The following CSNK2A1 variants were observed in gnomAD, a reference collection of about 807,000 sequenced individuals.
CSNK2A1 encodes the protein casein kinase 2 alpha 1, also known as casein kinase II subunit alpha.
CSNK2A1 carries 10 observed loss-of-function variants against 62.9 expected under a neutral mutation model. The observed-to-expected ratio is 0.16, with a 90% CI of 0.10 to 0.27. CSNK2A1 has a LOEUF of 0.27. Ranked by LOEUF, CSNK2A1 falls within the 10% of genes least tolerant of loss-of-function variation. CSNK2A1 has a pLI of 1.00. For missense variants in CSNK2A1, 160 were observed against 492.0 expected, an observed-to-expected ratio of 0.33 and a Z score of 6.38; for synonymous variants, 124 against 167.8, an observed-to-expected ratio of 0.74 and a Z score of 2.02.
At position 508,629 on chromosome 20, in the gene CSNK2A1, T is replaced by C; in HGVS notation, c.-78A>G. 1.4e-6 allele frequency: 2 copies of C among 1,447,696 alleles called. No homozygotes were observed. The allele number at this position is 1,447,696 out of a possible 1,614,324, so 89.7% of individuals were successfully genotyped here. On this transcript the variant is annotated 5_prime_UTR_variant, in exon 3 of 14. Coordinates refer to ENST00000217244, the MANE Select transcript of CSNK2A1 (RefSeq NM_177559.3). ...CACTGTGTTCAGAAGCAGCTGGGGG[T>C]AAGACCTTGTTTCAGACCTGTTTTC... is the stretch of plus-strand genomic sequence containing the variant.
chr20:503,569 T>G (rs2018512934), intron 4 of CSNK2A1: 1 of 398,606 alleles, frequency 2.5e-6, no homozygotes, highest in Non-Finnish European at 4.4e-6. Context: ...ACTGCCAGCT[T>G]GAGGTGGTTC....
intron 2 of CSNK2A1, among the ~76,000 whole-genome samples, chr20:518,522 A>G (rs2018873024): frequency 6.6e-6 from 1 of 152,080 alleles, no homozygotes; most frequent in Admixed American, 6.6e-5. Context: ...TCAAATGATC[A>G]CTACAAATAT....
intron 1 of CSNK2A1, among the ~76,000 whole-genome samples, chr20:540,163 TG>T (rs1288173796): frequency 1.3e-5 from 2 of 152,202 alleles, no homozygotes; most frequent in Non-Finnish European, 2.9e-5. Context: ...CAGTAGAATT[TG>T]GGGGGTCCAA....
chr20:515,137 C>T (rs957959309), intron 2 of CSNK2A1, among the ~76,000 whole-genome samples: 6 of 152,090 alleles, frequency 3.9e-5, no homozygotes, highest in Non-Finnish European at 8.8e-5. Flanking sequence ...CAGTAGCACA[C>T]GTGAGAGAAA....
rs1319569782 is a variant in CSNK2A1, at chr20:483,919, C to T, written c.*42G>A. 15 of 1,575,086 alleles carry T rather than the reference C, an allele frequency of 9.5e-6. No homozygotes were observed. The highest frequency in any genetic ancestry group is 1.3e-5 in the Non-Finnish European group (15 of 1,161,978). On this transcript the variant is annotated 3_prime_UTR_variant, in exon 14 of 14. Transcript: ENST00000217244. ...CAAGCTGCATCAAGGAGAGGGTGGACTCCCCCACCTCTGCTCAGGCATCAG... is the reference window on the plus strand; with the variant it reads ...CAAGCTGCATCAAGGAGAGGGTGGATTCCCCCACCTCTGCTCAGGCATCAG...
intron 1 of CSNK2A1, among the ~76,000 whole-genome samples, chr20:538,642 A>C (rs2122130577): frequency 6.6e-6 from 1 of 152,300 alleles, no homozygotes; most frequent in South Asian, 2.1e-4. Flanking sequence ...TAAACTCAAC[A>C]ACCTCAACAG....
In CSNK2A1 at chr20:476,172, TCTCCCTCGCC is replaced by T. The variant is rs1409844367; in HGVS notation, c.*7779_*7788del. 1 of 152,364 alleles carries T rather than the reference TCTCCCTCGCC, an allele frequency of 6.6e-6. No homozygotes were observed. Among genetic ancestry groups the T allele is most frequent in the Non-Finnish European group, 1.5e-5 (1 of 68,164 alleles). The allele number at this position is 152,364 out of a possible 1,614,324, so 9.4% of individuals were successfully genotyped here. On this transcript the variant is annotated 3_prime_UTR_variant, in exon 14 of 14. Coordinates refer to ENST00000217244, the MANE Select transcript of CSNK2A1 (RefSeq NM_177559.3). ...CAGCTGAAACTTGTTAGGCTGGGCC[TCTCCCTCGCC>T]AGTTCAGGCAGCCCCTCCTCTGAGG...
intron 1 of CSNK2A1, among the ~76,000 whole-genome samples, chr20:532,460 A>G (rs1259012182): frequency 1.3e-5 from 2 of 151,358 alleles, no homozygotes. Context: ...TACAGGTGTG[A>G]GCCACTGCTC....
chr20:519,752 C>A (rs1026337340), intron 2 of CSNK2A1, among the ~76,000 whole-genome samples: 3 of 152,056 alleles, frequency 2.0e-5, no homozygotes, highest in Admixed American at 1.3e-4. Context: ...AAAATAATCC[C>A]ATTTTGGAAG....
intron 1 of CSNK2A1, among the ~76,000 whole-genome samples, chr20:537,719 T>A (rs1415729102): frequency 6.6e-6 from 1 of 152,170 alleles, no homozygotes; most frequent in Non-Finnish European, 1.5e-5. Flanking sequence ...GAAATTCAGG[T>A]ATAAGAACAC....
rs1397880201 is a variant in CSNK2A1 at position 477,805 on chromosome 20, A to T, written c.*6156T>A. ...TCGGGAGTTCGAGACCAGCCTGACCAACATGGAGAAACCCCGTCTCTACTA... is the reference window on the plus strand; with the variant it reads ...TCGGGAGTTCGAGACCAGCCTGACCTACATGGAGAAACCCCGTCTCTACTA... On this transcript the variant is annotated 3_prime_UTR_variant, in exon 14 of 14. Transcript: ENST00000217244. The T allele has an allele frequency of 1.3e-5, 2 of 152,236 alleles. No individual in the cohort carries two copies. Among genetic ancestry groups the T allele is most frequent in the African/African-American group, 4.8e-5 (2 of 41,420 alleles). 9.4% of individuals were successfully genotyped at this position (152,236 alleles called of 1,614,324 possible).
intron 1 of CSNK2A1, among the ~76,000 whole-genome samples, chr20:542,130 C>T (rs2019463266): frequency 6.6e-6 from 1 of 152,246 alleles, no homozygotes; most frequent in Non-Finnish European, 1.5e-5. Context: ...AATATACCAG[C>T]TAGTCCCTTT....
intron 1 of CSNK2A1, among the ~76,000 whole-genome samples, chr20:533,261 TTTGA>T (rs1313611962): frequency 1.3e-5 from 2 of 152,224 alleles, no homozygotes; most frequent in East Asian, 3.8e-4. Context: ...TTTTTTCTGG[TTTGA>T]TTAAGGCTTC....
intron 2 of CSNK2A1, among the ~76,000 whole-genome samples, chr20:512,717 A>C (rs1415347458): frequency 6.6e-6 from 1 of 152,206 alleles, no homozygotes. Flanking sequence ...TTCAACTCAA[A>C]CCTTCTGAGG....
chr20:490,111 A>T (rs1249701505), intron 9 of CSNK2A1, among the ~76,000 whole-genome samples: 2 of 149,980 alleles, frequency 1.3e-5, no homozygotes, highest in Non-Finnish European at 3.0e-5. Context: ...GGCTCACCAC[A>T]ACCTCCGCCT....
chr20:518,770 C>T lies in CSNK2A1; in HGVS notation c.-110+9163G>A, dbSNP rs535261774. Among the ~76,000 whole-genome samples the T allele has an allele frequency of 7.2e-3, 1,033 of 144,460 alleles. 14 individuals are homozygous for T. The highest frequency in any genetic ancestry group is 0.024 in the African/African-American group (937 of 38,966). 94.8% of individuals were successfully genotyped at this position (144,460 alleles called of 152,430 possible). A position where few individuals can be genotyped will look rare whatever the true frequency, so the allele number is the denominator to read the frequency against. ...CGGGGTTTCACCGTGTTAGCCAGGA[C>T]GGTCTCGATCTCCTGACCTCGTGAT... is the stretch of plus-strand genomic sequence containing the variant. On this transcript the variant is annotated intron_variant, in intron 2 of 13. Coordinates refer to ENST00000217244, the MANE Select transcript of CSNK2A1 (RefSeq NM_177559.3).
chr20:543,576 G>A (rs906620079), intron 1 of CSNK2A1, 96 bp downstream of exon 1: 3 of 397,072 alleles, frequency 7.6e-6, no homozygotes, highest in African/African-American at 6.2e-5. Flanking sequence ...GGCCGCTCAG[G>A]AGTCTGCTGG....
chr20:505,892 T>C (rs966138988), intron 3 of CSNK2A1: 5 of 144,294 alleles, frequency 3.5e-5, no homozygotes, highest in African/African-American at 1.3e-4. Flanking sequence ...TTTTTTTTTT[T>C]GAGACGGAGT....
chr20:497,628 C>T, intron 7 of CSNK2A1, 93 bp downstream of exon 7: 2 of 1,093,426 alleles, frequency 1.8e-6, no homozygotes, highest in South Asian at 1.3e-5. Context: ...ACATACTTTA[C>T]AAAGTTAATC....
Sources: gnomAD v4.1 joint callset for allele counts (sites outside exome capture counted in the v4.1 genomes callset) on GRCh38, gnomAD v4.1.1 for gene constraint, MANE v1.5 for transcripts, NCBI Gene and HGNC (gene_info 2026-07-23, HGNC 2026-07-21) for gene names.